NOX4: variants seen among roughly 807,000 people sequenced by gnomAD.
NOX4 encodes NADPH oxidase 4, also known as kidney oxidase-1.
A neutral mutation model predicts 87.6 loss-of-function variants in NOX4; 69 were observed. The observed-to-expected ratio is 0.79, with a 90% CI of 0.65 to 0.96. The LOEUF (loss-of-function observed/expected upper bound fraction) is 0.96. Ranked by LOEUF, NOX4 falls within the 40% of genes least tolerant of loss-of-function variation. The pLI is 0.00. For synonymous variants in NOX4, 275 were observed against 238.2 expected (o/e 1.15, Z -1.42); for missense variants, 680 against 681.5 (o/e 1.00, Z 0.02).
intron 12 of NOX4, among the ~76,000 whole-genome samples, chr11:89,368,589 C>A (rs1418904841): frequency 6.6e-6 from 1 of 152,050 alleles, no homozygotes; most frequent in Non-Finnish European, 1.5e-5. Flanking sequence ...CTCCCTCAAT[C>A]CCTTTCATAA....
chr11:89,486,450 C>A lies in NOX4; in HGVS notation c.153+4008G>T, dbSNP rs190380259. On this transcript the variant is annotated intron_variant, in intron 2 of 17. Coordinates refer to ENST00000263317, the MANE Select transcript of NOX4 (RefSeq NM_016931.5). Reference sequence around the variant, plus strand: ...CTGCAATTACATGCATGTGCCACCACGCCCAGCTAATATATGTGTGTGTGT... The same window carrying A: ...CTGCAATTACATGCATGTGCCACCAAGCCCAGCTAATATATGTGTGTGTGT... 3.3e-4 allele frequency among the ~76,000 whole-genome samples: 49 copies of A among 146,788 alleles called. 1 individual carries two copies. Among genetic ancestry groups the A allele is most frequent in the Admixed American group, 3.1e-3 (45 of 14,696 alleles).
intron 7 of NOX4, among the ~76,000 whole-genome samples, chr11:89,426,875 T>C (rs892837491): frequency 5.3e-5 from 8 of 152,098 alleles, no homozygotes; most frequent in African/African-American, 1.9e-4. Context: ...AAGAGAGTAG[T>C]GGTTCTCCCA....
At chr11:89,572,103 C>T in the NOX4 span, among the ~76,000 whole-genome samples, 10 of 152,306 alleles carry the variant, frequency 6.6e-5, no homozygotes, top group Middle Eastern at 3.4e-3. Context: ...ATTGATGTCT[C>T]ATGTCTCCCT....
chr11:89,389,759 A>G (rs1940994600), intron 11 of NOX4, among the ~76,000 whole-genome samples: 1 of 152,122 alleles, frequency 6.6e-6, no homozygotes, highest in Admixed American at 6.6e-5. Flanking sequence ...GTGGCAGGAG[A>G]GAGACAGTGC....
chr11:89,410,964 C>T (rs1218327032), intron 8 of NOX4, among the ~76,000 whole-genome samples: 2 of 152,066 alleles, frequency 1.3e-5, no homozygotes, highest in African/African-American at 4.8e-5. Flanking sequence ...GGAGAGACCT[C>T]TTCCTTCTGC....
At chr11:89,471,026 G>C (rs35127339) in intron 2 of NOX4, among the ~76,000 whole-genome samples, 9,762 of 152,060 alleles carry the variant, frequency 0.064, 772 homozygotes, top group African/African-American at 0.19. Flanking sequence ...GAAAGTGTCC[G>C]AGTGTCACTT....
chr11:89,391,215 T>A (rs1437386026), intron 11 of NOX4, among the ~76,000 whole-genome samples: 1 of 152,124 alleles, frequency 6.6e-6, no homozygotes, highest in South Asian at 2.1e-4. Flanking sequence ...TGACTGGTGT[T>A]GAAGAGTGTA....
At chr11:89,587,134 G>A in the NOX4 span, among the ~76,000 whole-genome samples, 1 of 152,062 alleles carries the variant, frequency 6.6e-6, no homozygotes, top group Non-Finnish European at 1.5e-5. Context: ...TGGAGGGCTG[G>A]CACCCTATGG....
At chr11:89,354,651 A>G (rs1937866114) in intron 13 of NOX4, among the ~76,000 whole-genome samples, 1 of 152,208 alleles carries the variant, frequency 6.6e-6, no homozygotes, top group African/African-American at 2.4e-5. Context: ...CATCACTGAC[A>G]AAATACTGTC....
chr11:89,477,409 T>C (rs1946211042), intron 2 of NOX4, among the ~76,000 whole-genome samples: 1 of 152,098 alleles, frequency 6.6e-6, no homozygotes, highest in Admixed American at 6.5e-5. Flanking sequence ...CCGCCGTAAA[T>C]ACAGATGAAG....
At chr11:89,430,016 G>T (rs896919673) in intron 7 of NOX4, among the ~76,000 whole-genome samples, 7 of 152,048 alleles carry the variant, frequency 4.6e-5, no homozygotes, top group African/African-American at 1.7e-4. Flanking sequence ...ATGATGAAGT[G>T]GGCTTCATCC....
intron 2 of NOX4, among the ~76,000 whole-genome samples, chr11:89,474,234 A>C (rs10765210): frequency 0.11 from 17,339 of 152,100 alleles, 1,225 homozygotes; most frequent in South Asian, 0.21. Context: ...ATAGTTTCCA[A>C]ATGTTACAAA....
chr11:89,521,621 A>G, the NOX4 span, among the ~76,000 whole-genome samples: 9 of 148,734 alleles, frequency 6.1e-5, no homozygotes, highest in South Asian at 2.1e-4. Context: ...TCAGCCTTGG[A>G]AAAAAAAAAT....
intron 4 of NOX4, among the ~76,000 whole-genome samples, chr11:89,448,995 A>G (rs150005101): frequency 2.6e-5 from 4 of 152,316 alleles, no homozygotes; most frequent in Non-Finnish European, 5.9e-5. Context: ...GAATGAAATT[A>G]CTTACTTTCA....
intron 8 of NOX4, among the ~76,000 whole-genome samples, chr11:89,420,494 T>C (rs968950069): frequency 5.9e-5 from 9 of 152,088 alleles, no homozygotes; most frequent in African/African-American, 1.9e-4. Flanking sequence ...TGTGTGGCCA[T>C]GTTTCCAGTG....
chr11:89,424,244 A>G (rs1943250067), intron 7 of NOX4, among the ~76,000 whole-genome samples: 2 of 151,724 alleles, frequency 1.3e-5, no homozygotes, highest in Admixed American at 1.3e-4. Context: ...TTTTCAAACT[A>G]ATTATAGTTA....
chr11:89,522,495 G>T, the NOX4 span, among the ~76,000 whole-genome samples: 1 of 152,062 alleles, frequency 6.6e-6, no homozygotes, highest in Non-Finnish European at 1.5e-5. Flanking sequence ...AGAAACTGGG[G>T]TTTACTGGGA....
intron 7 of NOX4, among the ~76,000 whole-genome samples, chr11:89,429,754 C>G (rs1353784125): frequency 1.3e-5 from 2 of 152,246 alleles, no homozygotes; most frequent in South Asian, 4.1e-4. Context: ...GATGGATTCA[C>G]AGCCGAATTC....
chr11:89,579,684 A>G, the NOX4 span, among the ~76,000 whole-genome samples: 1 of 152,292 alleles, frequency 6.6e-6, no homozygotes, highest in South Asian at 2.1e-4. Flanking sequence ...ACTGTAACAA[A>G]TTTATCATAC....
Sources: allele counts gnomAD v4.1 joint callset (sites outside exome capture counted in the v4.1 genomes callset), GRCh38; gene constraint gnomAD v4.1.1; transcripts MANE v1.5; gene names NCBI Gene and HGNC (gene_info 2026-07-23, HGNC 2026-07-21).